Variants in SCRN3 observed in about 807,000 individuals in gnomAD.
SCRN3 encodes the protein secernin 3.
Under a neutral mutation model 43.1 loss-of-function variants are expected in SCRN3, and 39 were observed. That is an observed-to-expected ratio of 0.91 (90% CI 0.70 to 1.18). The LOEUF is 1.18. Among genes scored for constraint, SCRN3 ranks in the 50% most tolerant of loss-of-function variants. SCRN3 has a pLI of 0.00. For synonymous variants in SCRN3, 147 were observed against 163.1 expected (o/e 0.90, Z 0.75); for missense variants, 484 against 498.0 (o/e 0.97, Z 0.27).
chr2:174,421,750 A>C (rs991892873), intron 5 of SCRN3, among the ~76,000 whole-genome samples: 14 of 152,168 alleles, frequency 9.2e-5, no homozygotes, highest in African/African-American at 3.4e-4. Context: ...TTTCTCCTAA[A>C]ATATTTGATC....
At position 174,402,309 on chromosome 2, in the gene SCRN3, A is replaced by G. The variant is rs574098446; in HGVS notation, c.541+1120A>G. On this transcript the variant is annotated intron_variant, in intron 4 of 7. Transcript: ENST00000272732. ...ATTGGGTCTCATTGTCTAGCTGTAG[A>G]TTAATTTTGCCAATTGTTTTCTCTT... Among the ~76,000 whole-genome samples the G allele has an allele frequency of 4.7e-4, 72 of 152,328 alleles. No homozygotes were observed. In the Middle Eastern group the frequency reaches 0.01, roughly 22 times the overall value.
chr2:174,424,890 C>T (rs1399394956), intron 7 of SCRN3, among the ~76,000 whole-genome samples: 1 of 152,144 alleles, frequency 6.6e-6, no homozygotes, highest in Admixed American at 6.5e-5. Context: ...ATTTGTTGAA[C>T]ACTTACATAG....
At chr2:174,415,876 C>G (rs1258092522) in intron 5 of SCRN3, among the ~76,000 whole-genome samples, 1 of 152,122 alleles carries the variant, frequency 6.6e-6, no homozygotes, top group Non-Finnish European at 1.5e-5. Flanking sequence ...AATTCCTGGG[C>G]TCAAACCATC....
chr2:174,415,676 G>A (rs1026264561), intron 5 of SCRN3, among the ~76,000 whole-genome samples: 6 of 152,134 alleles, frequency 3.9e-5, no homozygotes, highest in Admixed American at 2.6e-4. Flanking sequence ...ACAATGTCTC[G>A]ATCCAATACT....
At chr2:174,426,550 TC>T (rs1163797565) in intron 7 of SCRN3, among the ~76,000 whole-genome samples, 1 of 152,064 alleles carries the variant, frequency 6.6e-6, no homozygotes, top group African/African-American at 2.4e-5. Flanking sequence ...GGCGGGTAGA[TC>T]AACTTAGGTC....
chr2:174,400,263 G>C (rs181641970), intron 3 of SCRN3, among the ~76,000 whole-genome samples, 160 bp downstream of exon 3: 1 of 152,124 alleles, frequency 6.6e-6, no homozygotes, highest in African/African-American at 2.4e-5. Flanking sequence ...ATGACTCTCA[G>C]TTTTGTTTGG....
intron 5 of SCRN3, among the ~76,000 whole-genome samples, chr2:174,415,675 C>G (rs142957365): frequency 1.3e-5 from 2 of 152,066 alleles, no homozygotes; most frequent in Non-Finnish European, 2.9e-5. Flanking sequence ...GACAATGTCT[C>G]GATCCAATAC....
Position 174,422,994 on chromosome 2 carries a change from A to G in SCRN3, c.864A>G (p.Gln288=). 2 of 1,613,910 alleles carry G rather than the reference A, an allele frequency of 1.2e-6. No individual in the cohort carries two copies. The highest frequency in any genetic ancestry group is 1.7e-6 in the Non-Finnish European group (2 of 1,179,852). The change falls in exon 6 of 8, where the codon CAA becomes CAG. Residue 288 remains glutamine (Q), a synonymous_variant. Coordinates refer to ENST00000272732, the MANE Select transcript of SCRN3 (RefSeq NM_024583.5). ...TTASMVSILP[Q]DSSLPCIHFF... The stretch of plus-strand genomic sequence containing the variant: ...CAAGCATGGTTTCTATTTTACCTCA[A>G]GACTCCAGCCTTCCTTGCATTCACT...
chr2:174,409,788 G>A (rs1427459312), intron 5 of SCRN3, among the ~76,000 whole-genome samples: 1 of 143,394 alleles, frequency 7.0e-6, no homozygotes, highest in Admixed American at 6.9e-5. Context: ...AGGGGTCAGG[G>A]ACCCACTTGA....
chr2:174,398,309 T>G lies in SCRN3; in HGVS notation c.26T>G (p.Phe9Cys). MEPFSCDT[F>C]VALPPATVDN... ...ATGGAACCTTTTTCCTGTGACACTTTCGTGGCATTACCTCCAGCAACAGTC... is the reference window on the plus strand; with the variant it reads ...ATGGAACCTTTTTCCTGTGACACTTGCGTGGCATTACCTCCAGCAACAGTC... The change falls in exon 2 of 8, where the codon TTC becomes TGC. Residue 9 changes from phenylalanine (F) to cysteine (C), a missense_variant. Physicochemically the swap from Phe to Cys is radical, Grantham distance 205. Transcript: ENST00000272732. 6.3e-7 allele frequency: 1 copy of G among 1,583,564 alleles called. No individual in the cohort carries two copies. Among genetic ancestry groups the G allele is most frequent in the Non-Finnish European group, 8.5e-7 (1 of 1,170,514 alleles).
chr2:174,398,076 C>T (rs1685383574), intron 1 of SCRN3, 199 bp from the exon 2 acceptor site: 1 of 285,700 alleles, frequency 3.5e-6, no homozygotes, highest in Admixed American at 5.9e-5. Context: ...TGCAGTAAGC[C>T]CTGATCATAC....
In SCRN3 at chr2:174,427,920, G is replaced by A. The variant is rs1686548498; in HGVS notation, c.*25G>A. On this transcript the variant is annotated 3_prime_UTR_variant, in exon 8 of 8. Transcript: ENST00000272732. Reference sequence around the variant, plus strand: ...GTGATCATATGGTCAGCTAATATTAGTTCTTAGTGATCAGTGGTCAGTAAT... The same window carrying A: ...GTGATCATATGGTCAGCTAATATTAATTCTTAGTGATCAGTGGTCAGTAAT... The A allele has an allele frequency of 1.4e-6, 2 of 1,451,990 alleles. No individual in the cohort carries two copies. Among genetic ancestry groups the A allele is most frequent in the Non-Finnish European group, 1.9e-6 (2 of 1,044,588 alleles). 89.9% of individuals were successfully genotyped at this position (1,451,990 alleles called of 1,614,324 possible). A position where few individuals can be genotyped will look rare whatever the true frequency, so the allele number is the denominator to read the frequency against.
intron 5 of SCRN3, among the ~76,000 whole-genome samples, chr2:174,412,430 A>G (rs1052898662): frequency 2.7e-5 from 4 of 150,676 alleles, no homozygotes; most frequent in African/African-American, 4.9e-5. Flanking sequence ...CAATCTTGTG[A>G]TGGTTATGTG....
chr2:174,423,696 C>G (rs1686374620), intron 6 of SCRN3, among the ~76,000 whole-genome samples: 1 of 151,848 alleles, frequency 6.6e-6, no homozygotes, highest in Non-Finnish European at 1.5e-5. Context: ...GTCTTGATCT[C>G]CTGACTTTGT....
At chr2:174,422,206 G>C (rs1230454910) in intron 5 of SCRN3, among the ~76,000 whole-genome samples, 1 of 152,072 alleles carries the variant, frequency 6.6e-6, no homozygotes, top group African/African-American at 2.4e-5. Flanking sequence ...GGGGAGGATT[G>C]CTTAAGGCCA....
intron 4 of SCRN3, among the ~76,000 whole-genome samples, chr2:174,403,757 A>G (rs1685584957): frequency 6.6e-6 from 1 of 152,118 alleles, no homozygotes; most frequent in Non-Finnish European, 1.5e-5. Flanking sequence ...CCTTGTGGTG[A>G]TGGAAGTATT....
intron 5 of SCRN3, among the ~76,000 whole-genome samples, chr2:174,416,938 T>C (rs192701938): frequency 6.6e-6 from 1 of 152,372 alleles, no homozygotes; most frequent in African/African-American, 2.4e-5. Flanking sequence ...CTTTACATTA[T>C]TGTTTTCAAA....
Position 174,401,200 on chromosome 2 carries a change from CTT to C in SCRN3, c.541+15_541+16del. 6.2e-7 allele frequency: 1 copy of C among 1,608,942 alleles called. No individual in the cohort carries two copies. The highest frequency in any genetic ancestry group is 8.5e-7 in the Non-Finnish European group (1 of 1,175,998). On this transcript the variant is annotated intron_variant, in intron 4 of 7. Transcript: ENST00000272732. ...CAGAAAAAGTACAAGGTATGGACAA[CTT>C]TTTGTGATTTAACTTGTTTTTGCAA...
At chr2:174,420,802 G>A (rs1417308737) in intron 5 of SCRN3, among the ~76,000 whole-genome samples, 1 of 152,060 alleles carries the variant, frequency 6.6e-6, no homozygotes, top group African/African-American at 2.4e-5. Flanking sequence ...TATAGACAAG[G>A]ATCTGAGAAG....
Sources: allele counts gnomAD v4.1 joint callset (sites outside exome capture counted in the v4.1 genomes callset), GRCh38; gene constraint gnomAD v4.1.1; transcripts MANE v1.5; gene names NCBI Gene and HGNC (gene_info 2026-07-23, HGNC 2026-07-21).